ROBO1: variants seen among roughly 807,000 people sequenced by gnomAD.
The protein encoded by ROBO1 is roundabout homolog 1.
Under a neutral mutation model 195.9 loss-of-function variants are expected in ROBO1, and 149 were observed. That is an observed-to-expected ratio of 0.76 (90% CI 0.67 to 0.87). ROBO1 has a LOEUF of 0.87. Ranked by LOEUF, ROBO1 falls within the 40% of genes least tolerant of loss-of-function variation. ROBO1 has a pLI of 0.00. For synonymous variants in ROBO1, 816 were observed against 733.2 expected, an observed-to-expected ratio of 1.11 and a Z score of -1.82; for missense variants, 1,933 against 2,068.3, an observed-to-expected ratio of 0.93 and a Z score of 1.27.
intron 2 of ROBO1, among the ~76,000 whole-genome samples, chr3:79,561,631 A>T (rs1461324243): frequency 6.6e-6 from 1 of 152,186 alleles, no homozygotes; most frequent in Admixed American, 6.6e-5. Context: ...TCAGATTTAT[A>T]GTTTTAGAAT....
intron 4 of ROBO1, among the ~76,000 whole-genome samples, chr3:78,771,719 A>C (rs1576131679): frequency 6.6e-6 from 1 of 152,120 alleles, no homozygotes; most frequent in East Asian, 1.9e-4. Flanking sequence ...TGGTGTATAC[A>C]AATTTTTGTA....
rs999745098 is a variant in ROBO1 at position 78,637,278 on chromosome 3, C to T, written c.3038-1170G>A. On this transcript the variant is annotated intron_variant, in intron 22 of 30. Coordinates refer to ENST00000464233, the MANE Select transcript of ROBO1 (RefSeq NM_002941.4). Reference sequence around the variant, plus strand: ...ACTATTCTGCATTTCAACCATGAACCGTCAGGGAACAGAAATATTTGATTC... The same window carrying T: ...ACTATTCTGCATTTCAACCATGAACTGTCAGGGAACAGAAATATTTGATTC... Among the ~76,000 whole-genome samples the T allele has an allele frequency of 6.6e-5, 10 of 152,010 alleles. No individual in the cohort carries two copies. The South Asian group carries it at 8.3e-4, about 13-fold the overall frequency.
At chr3:79,276,186 C>T (rs1355149876) in intron 2 of ROBO1, among the ~76,000 whole-genome samples, 1 of 151,942 alleles carries the variant, frequency 6.6e-6, no homozygotes, top group Non-Finnish European at 1.5e-5. Flanking sequence ...GCAAAAAGAA[C>T]AAAACTGGAG....
chr3:78,706,472 G>A (rs1324412958), intron 8 of ROBO1, among the ~76,000 whole-genome samples: 1 of 152,044 alleles, frequency 6.6e-6, no homozygotes, highest in Non-Finnish European at 1.5e-5. Flanking sequence ...TGTGTTTTAG[G>A]TAGATAATCT....
chr3:79,395,727 T>C (rs2037131586), intron 2 of ROBO1, among the ~76,000 whole-genome samples: 1 of 152,258 alleles, frequency 6.6e-6, no homozygotes, highest in South Asian at 2.1e-4. Context: ...TTCATGACAG[T>C]ATGTGTTTCC....
chr3:79,135,116 T>A (rs115922089), intron 2 of ROBO1, among the ~76,000 whole-genome samples: 1,635 of 152,198 alleles, frequency 0.011, 21 homozygotes, highest in African/African-American at 0.035. Flanking sequence ...AACATAGTCA[T>A]CATGTTGTAT....
chr3:79,157,818 T>C (rs2080885378), intron 2 of ROBO1, among the ~76,000 whole-genome samples: 2 of 151,874 alleles, frequency 1.3e-5, no homozygotes, highest in African/African-American at 4.8e-5. Context: ...TTCAGAAATA[T>C]TCTATATTCA....
chr3:78,760,226 A>G (rs763227062), intron 4 of ROBO1, among the ~76,000 whole-genome samples: 9 of 152,112 alleles, frequency 5.9e-5, no homozygotes, highest in Non-Finnish European at 8.8e-5. Flanking sequence ...AAACCTATTT[A>G]TTTTGTAAAT....
intron 4 of ROBO1, among the ~76,000 whole-genome samples, chr3:78,880,836 C>A (rs1165844194): frequency 1.3e-5 from 2 of 152,014 alleles, no homozygotes; most frequent in Non-Finnish European, 2.9e-5. Context: ...CATTTTCAGC[C>A]CAAACCAGCT....
intron 8 of ROBO1, among the ~76,000 whole-genome samples, chr3:78,702,323 T>C (rs530075965): frequency 6.6e-6 from 1 of 152,330 alleles, no homozygotes; most frequent in South Asian, 2.1e-4. Context: ...CATTTTTAGT[T>C]ATCTTGTGTA....
At chr3:79,388,988 A>T (rs1330830812) in intron 2 of ROBO1, among the ~76,000 whole-genome samples, 1 of 152,094 alleles carries the variant, frequency 6.6e-6, no homozygotes, top group Non-Finnish European at 1.5e-5. Flanking sequence ...AACTTCATAA[A>T]GGTCTAACAA....
intron 2 of ROBO1, among the ~76,000 whole-genome samples, chr3:79,361,324 C>CA (rs1228874610): frequency 6.6e-6 from 1 of 151,544 alleles, no homozygotes; most frequent in Non-Finnish European, 1.5e-5. Flanking sequence ...CAGATTGAAT[C>CA]AAAAAGTAAG....
chr3:79,413,568 C>A (rs552578930), intron 2 of ROBO1, among the ~76,000 whole-genome samples: 2 of 152,118 alleles, frequency 1.3e-5, no homozygotes, highest in Admixed American at 6.6e-5. Flanking sequence ...CTAGATGTTT[C>A]GATTTCAAGG....
At chr3:78,764,619 T>A (rs937747263) in intron 4 of ROBO1, among the ~76,000 whole-genome samples, 1 of 152,150 alleles carries the variant, frequency 6.6e-6, no homozygotes, top group African/African-American at 2.4e-5. Context: ...AAGAGAACTA[T>A]CTTAATATAG....
intron 4 of ROBO1, among the ~76,000 whole-genome samples, chr3:78,890,262 C>T (rs1175218892): frequency 6.6e-6 from 1 of 152,018 alleles, no homozygotes; most frequent in East Asian, 1.9e-4. Flanking sequence ...TGTGTCCCTC[C>T]AAAATACATA....
intron 4 of ROBO1, among the ~76,000 whole-genome samples, chr3:78,918,972 A>T (rs1037301074): frequency 2.0e-5 from 3 of 152,122 alleles, no homozygotes; most frequent in African/African-American, 7.2e-5. Context: ...GAGCAAAGGA[A>T]AGTACCACAC....
At chr3:79,558,432 T>C (rs1942791493) in intron 2 of ROBO1, among the ~76,000 whole-genome samples, 1 of 152,240 alleles carries the variant, frequency 6.6e-6, no homozygotes. Flanking sequence ...ATAATACTTA[T>C]ACAAAATATG....
chr3:79,435,186 C>T (rs1475995936), intron 2 of ROBO1, among the ~76,000 whole-genome samples: 1 of 152,140 alleles, frequency 6.6e-6, no homozygotes, highest in Non-Finnish European at 1.5e-5. Flanking sequence ...ACGTTGTGCA[C>T]ATGTACCCTA....
intron 3 of ROBO1, among the ~76,000 whole-genome samples, chr3:79,108,918 A>G (rs1047517430): frequency 6.6e-6 from 1 of 151,996 alleles, no homozygotes; most frequent in African/African-American, 2.4e-5. Flanking sequence ...CACAAAAACT[A>G]TATGTTGTAT....
Sources: gnomAD v4.1 joint callset for allele counts (sites outside exome capture counted in the v4.1 genomes callset) on GRCh38, gnomAD v4.1.1 for gene constraint, MANE v1.5 for transcripts, NCBI Gene and HGNC (gene_info 2026-07-23, HGNC 2026-07-21) for gene names.